RIC1: variants seen among roughly 807,000 people sequenced by gnomAD.
The protein encoded by RIC1 is guanine nucleotide exchange factor subunit RIC1.
In RIC1, 88 loss-of-function variants were observed where a neutral mutation model predicts 169.0. The ratio of observed to expected loss-of-function variants is 0.52; its 90% CI spans 0.44 to 0.62. The LOEUF (loss-of-function observed/expected upper bound fraction) is 0.62. RIC1 is among the 20% of genes least tolerant of loss of function. RIC1 has a pLI of 0.00. For synonymous variants in RIC1, 790 were observed against 601.5 expected, an observed-to-expected ratio of 1.31 and a Z score of -4.59; for missense variants, 1,877 against 1,725.5, an observed-to-expected ratio of 1.09 and a Z score of -1.56.
At chr9:5,661,740 A>G (rs188150418) in intron 2 of RIC1, among the ~76,000 whole-genome samples, 65 of 152,276 alleles carry the variant, frequency 4.3e-4, no homozygotes, top group Admixed American at 2.9e-3. Context: ...GGCTGAGGCA[A>G]TGGGGTTTTC....
intron 2 of RIC1, among the ~76,000 whole-genome samples, chr9:5,657,838 A>C (rs925647892): frequency 1.3e-5 from 2 of 152,176 alleles, no homozygotes; most frequent in African/African-American, 2.4e-5. Flanking sequence ...TTAAATAATC[A>C]AAACAAGTCA....
chr9:5,672,767 C>T (rs12238411), intron 2 of RIC1, among the ~76,000 whole-genome samples: 45,158 of 151,942 alleles, frequency 0.3, 7,849 homozygotes, highest in East Asian at 0.59. Flanking sequence ...AATGAAAAAA[C>T]GTACATATCT....
intron 1 of RIC1, among the ~76,000 whole-genome samples, chr9:5,645,876 C>G (rs1052299793): frequency 2.6e-5 from 4 of 151,692 alleles, no homozygotes; most frequent in Non-Finnish European, 5.9e-5. Flanking sequence ...AGACAAATAT[C>G]CAGATCCCTG....
chr9:5,778,310 T>G (rs1424202961), downstream of RIC1, among the ~76,000 whole-genome samples: 1 of 152,236 alleles, frequency 6.6e-6, no homozygotes, highest in African/African-American at 2.4e-5. Flanking sequence ...CTTAGGATTT[T>G]CTACATTGAA....
intron 2 of RIC1, among the ~76,000 whole-genome samples, chr9:5,672,747 G>C (rs1404056611): frequency 6.6e-6 from 1 of 152,082 alleles, no homozygotes; most frequent in Non-Finnish European, 1.5e-5. Flanking sequence ...GGGCTATGTG[G>C]AAAAAGTTTA....
intron 17 of RIC1, among the ~76,000 whole-genome samples, chr9:5,761,732 T>C (rs189877911): frequency 6.6e-6 from 1 of 152,312 alleles, no homozygotes; most frequent in East Asian, 1.9e-4. Flanking sequence ...TCTTTACAGA[T>C]AGAAATGACT....
chr9:5,757,586 A>C (rs576895576), intron 17 of RIC1, 135 bp downstream of exon 17: 1 of 844,964 alleles, frequency 1.2e-6, no homozygotes, highest in East Asian at 2.7e-5. Context: ...GCTGGGTTGC[A>C]GTGGCAAATT....
At chr9:5,649,157 T>C (rs2130385236) in intron 1 of RIC1, among the ~76,000 whole-genome samples, 1 of 152,112 alleles carries the variant, frequency 6.6e-6, no homozygotes, top group African/African-American at 2.4e-5. Flanking sequence ...AAAATTAAAC[T>C]CAAAACTATA....
intron 3 of RIC1, among the ~76,000 whole-genome samples, chr9:5,693,095 A>G (rs1352761512): frequency 1.3e-5 from 2 of 152,108 alleles, no homozygotes; most frequent in African/African-American, 4.8e-5. Context: ...CTGGGAGTAG[A>G]GAATGGAAAA....
intron 1 of RIC1, among the ~76,000 whole-genome samples, chr9:5,641,942 G>C (rs1239074406): frequency 7.0e-6 from 1 of 143,786 alleles, no homozygotes; most frequent in Non-Finnish European, 1.5e-5. Context: ...AGTTCATTTG[G>C]TGGGGTCATG....
chr9:5,732,681 G>A (rs2130927075), intron 7 of RIC1, among the ~76,000 whole-genome samples: 1 of 152,254 alleles, frequency 6.6e-6, no homozygotes, highest in South Asian at 2.1e-4. Context: ...TGGAGGTTGA[G>A]CATGTTAATT....
chr9:5,753,543 C>T lies in RIC1; in HGVS notation c.1499C>T (p.Ala500Val). The change falls in exon 14 of 26, where the codon GCT becomes GTT. Residue 500 changes from alanine to valine, a missense_variant. By Grantham distance (64) the Ala-to-Val change is moderately conservative. Coordinates refer to ENST00000414202, the MANE Select transcript of RIC1 (RefSeq NM_020829.4). Reference protein sequence around the residue: ...LESNWPIRFSAIDKLGQNIAV... With the variant: ...LESNWPIRFSVIDKLGQNIAV... ...ATTTTTTTTTTTAAACAGTTTTCAGCTATTGATAAGCTTGGACAGAATATT... is the reference window on the plus strand; with the variant it reads ...ATTTTTTTTTTTAAACAGTTTTCAGTTATTGATAAGCTTGGACAGAATATT... 1 of 1,590,300 alleles carries T rather than the reference C, an allele frequency of 6.3e-7. No individual in the cohort carries two copies. The highest frequency in any genetic ancestry group is 1.4e-5 in the African/African-American group (1 of 73,596).
rs554937392 is a variant in RIC1 at position 5,763,111 on chromosome 9, C to T, written c.2113-29C>T. 3.1e-6 allele frequency: 5 copies of T among 1,599,520 alleles called. No individual in the cohort carries two copies. The highest frequency in any genetic ancestry group is 4.3e-6 in the Non-Finnish European group (5 of 1,171,346). On this transcript the variant is annotated intron_variant, in intron 18 of 25. Coordinates refer to ENST00000414202, the MANE Select transcript of RIC1 (RefSeq NM_020829.4). The surrounding 1 kb of genome is among the most constrained non-coding windows in gnomAD (Gnocchi z 5.2). ...AGAACCTGCAGATTTAATAGGAAAA[C>T]AACTTGATTCTTGTCTCTCCTTCTC... is the stretch of plus-strand genomic sequence containing the variant.
intron 6 of RIC1, among the ~76,000 whole-genome samples, chr9:5,722,346 A>AGTGT (rs1343192304): frequency 7.1e-4 from 42 of 59,230 alleles, no homozygotes; most frequent in African/African-American, 3.3e-3. Context: ...TAAGAGAGAG[A>AGTGT]GAGTGTGTGT....
intron 2 of RIC1, among the ~76,000 whole-genome samples, chr9:5,672,003 T>C (rs1452667117): frequency 6.6e-6 from 1 of 152,204 alleles, no homozygotes. Context: ...TGTTAACTGC[T>C]GCGGACTTAG....
chr9:5,716,645 A>C (rs1373718207), intron 4 of RIC1, among the ~76,000 whole-genome samples: 1 of 152,184 alleles, frequency 6.6e-6, no homozygotes, highest in Non-Finnish European at 1.5e-5. Flanking sequence ...TACAGCATGA[A>C]AAGACATGGG....
In RIC1 at chr9:5,713,517, G is replaced by A. The variant is rs528165191; in HGVS notation, c.333-379G>A. ...TGAAGCCACACGATTTGGATCACTG[G>A]GACAGATACTGTATAGAATGATACT... On this transcript the variant is annotated intron_variant, in intron 3 of 25. Coordinates refer to ENST00000414202, the MANE Select transcript of RIC1 (RefSeq NM_020829.4). 4.4e-5 allele frequency: 7 copies of A among 157,320 alleles called. No individual in the cohort carries two copies. The South Asian group carries it at 1.3e-3, about 30-fold the overall frequency. 9.7% of individuals were successfully genotyped at this position (157,320 alleles called of 1,614,324 possible).
intron 2 of RIC1, among the ~76,000 whole-genome samples, chr9:5,662,518 C>T (rs1819516591): frequency 6.6e-6 from 1 of 151,080 alleles, no homozygotes; most frequent in South Asian, 2.1e-4. Flanking sequence ...TTTCAGGACT[C>T]ATTATTGGTC....
intron 3 of RIC1, among the ~76,000 whole-genome samples, chr9:5,707,262 C>G (rs1459236734): frequency 1.3e-5 from 2 of 152,014 alleles, no homozygotes; most frequent in Non-Finnish European, 2.9e-5. Flanking sequence ...TGCTTTCAGT[C>G]TTTTAAAATT....
Sources: gnomAD v4.1 joint callset for allele counts (sites outside exome capture counted in the v4.1 genomes callset) on GRCh38, gnomAD v4.1.1 for gene constraint, Gnocchi (gnomAD v3.1) non-coding constraint, MANE v1.5 for transcripts, NCBI Gene and HGNC (gene_info 2026-07-23, HGNC 2026-07-21) for gene names.